Variants in TLL1 observed in about 807,000 individuals in gnomAD.
TLL1 encodes the protein tolloid-like protein 1.
In TLL1, 49 loss-of-function variants were observed where a neutral mutation model predicts 128.2. The ratio of observed to expected loss-of-function variants is 0.38; its 90% CI spans 0.30 to 0.48. TLL1 has a LOEUF of 0.48. Among genes scored for constraint, TLL1 ranks in the 20% least tolerant of loss-of-function variants. TLL1 has a pLI of 0.96. For missense variants in TLL1, 1,123 were observed against 1,242.0 expected, an observed-to-expected ratio of 0.90 and a Z score of 1.44; for synonymous variants, 454 against 418.8, an observed-to-expected ratio of 1.08 and a Z score of -1.03.
intron 1 of TLL1, among the ~76,000 whole-genome samples, chr4:165,919,152 G>A (rs1486004337): frequency 1.3e-5 from 2 of 151,886 alleles, no homozygotes; most frequent in African/African-American, 4.8e-5. Context: ...AAGACCAAGG[G>A]AGGAGGATCA....
At chr4:165,886,498 C>CT (rs1731169197) in intron 1 of TLL1, among the ~76,000 whole-genome samples, 1 of 152,278 alleles carries the variant, frequency 6.6e-6, no homozygotes, top group East Asian at 1.9e-4. Context: ...GTAACAAATA[C>CT]TTTAACTATC....
intron 1 of TLL1, among the ~76,000 whole-genome samples, chr4:165,969,098 A>G (rs1287949233): frequency 1.3e-5 from 2 of 152,034 alleles, no homozygotes; most frequent in Non-Finnish European, 2.9e-5. Context: ...AAGTAATATT[A>G]TTTTTGTTTG....
intron 8 of TLL1, among the ~76,000 whole-genome samples, chr4:166,018,741 A>G (rs1738067843): frequency 1.3e-5 from 2 of 151,580 alleles, no homozygotes. Context: ...ATGCAAATCC[A>G]AACTACAATG....
chr4:166,038,081 G>C (rs1739079217), intron 9 of TLL1, among the ~76,000 whole-genome samples: 1 of 152,110 alleles, frequency 6.6e-6, no homozygotes, highest in Admixed American at 6.6e-5. Context: ...AATAATTAGT[G>C]CTTACCTTGA....
intron 1 of TLL1, among the ~76,000 whole-genome samples, chr4:165,886,794 C>G (rs1010137696): frequency 2.6e-5 from 4 of 152,094 alleles, no homozygotes; most frequent in Admixed American, 2.6e-4. Flanking sequence ...TATTTTCCAT[C>G]TGTAGTTGGT....
intron 12 of TLL1, among the ~76,000 whole-genome samples, chr4:166,051,170 GT>G (rs1488639842): frequency 1.3e-5 from 2 of 152,080 alleles, no homozygotes; most frequent in Non-Finnish European, 2.9e-5. Context: ...AAGACATTGA[GT>G]TCAGCTCCCA....
intron 12 of TLL1, among the ~76,000 whole-genome samples, chr4:166,044,152 G>A (rs1271134884): frequency 6.6e-6 from 1 of 152,156 alleles, no homozygotes; most frequent in Non-Finnish European, 1.5e-5. Flanking sequence ...CTGAAGTGGA[G>A]AAGAACAATG....
In TLL1 at chr4:165,976,034, CAAAAAAAAAAA is replaced by C. The variant is rs1169297533; in HGVS notation, c.170-13333_170-13323del. Among the ~76,000 whole-genome samples, 3 of 72,098 alleles carry C rather than the reference CAAAAAAAAAAA, an allele frequency of 4.2e-5. No homozygotes were observed. The Admixed American group carries it at 6.6e-4, about 16-fold the overall frequency. 47.3% of individuals were successfully genotyped at this position (72,098 alleles called of 152,430 possible). Reference sequence around the variant, plus strand: ...TGGGTAACAGAGTGAGATTCCATCTCAAAAAAAAAAAAAAAAAAAAAAAAGATTATAAGGCG... The same window carrying C: ...TGGGTAACAGAGTGAGATTCCATCTCAAAAAAAAAAAAAGATTATAAGGCG... On this transcript the variant is annotated intron_variant, in intron 1 of 20. Transcript: ENST00000061240.
At chr4:166,057,637 TAGAA>T (rs1740088373) in intron 14 of TLL1, among the ~76,000 whole-genome samples, 2 of 152,086 alleles carry the variant, frequency 1.3e-5, no homozygotes, top group African/African-American at 2.4e-5. Context: ...TAATTTGTAA[TAGAA>T]AGAGATTTAA....
intron 1 of TLL1, among the ~76,000 whole-genome samples, 154 bp downstream of exon 1, chr4:165,874,227 C>T (rs544255741): frequency 1.3e-5 from 2 of 151,982 alleles, no homozygotes; most frequent in Non-Finnish European, 2.9e-5. Context: ...TTCCCTTCCC[C>T]ACCCGCAAGT....
intron 1 of TLL1, among the ~76,000 whole-genome samples, chr4:165,938,281 G>T (rs945719127): frequency 3.3e-5 from 5 of 151,900 alleles, no homozygotes; most frequent in African/African-American, 1.2e-4. Flanking sequence ...TTTATTGTAG[G>T]TTTCTCTTTT....
intron 14 of TLL1, 24 bp downstream of exon 14, chr4:166,057,333 C>T: frequency 1.2e-6 from 2 of 1,610,892 alleles, no homozygotes; most frequent in Admixed American, 1.7e-5. Flanking sequence ...CCTTCCTGGA[C>T]CCCCACCCCC....
In TLL1 at chr4:165,992,829, A is replaced by C; in HGVS notation, c.306A>C (p.Ser102=). 1 of 1,613,344 alleles carries C rather than the reference A, an allele frequency of 6.2e-7. No individual in the cohort carries two copies. The highest frequency in any genetic ancestry group is 8.5e-7 in the Non-Finnish European group (1 of 1,179,438). ...GTGGACTTGGAGACCATGCTATGTC[A>C]AAGAAGCGAGGGGCCCTCTACCAAC... ...TTGGLGDHAM[S]KKRGALYQLI... The change falls in exon 3 of 21, where the codon TCA becomes TCC. Residue 102 remains serine, a synonymous_variant. Coordinates refer to ENST00000061240, the MANE Select transcript of TLL1 (RefSeq NM_012464.5).
chr4:166,077,681 G>A (rs542714971), intron 17 of TLL1, among the ~76,000 whole-genome samples: 9 of 152,190 alleles, frequency 5.9e-5, no homozygotes, highest in African/African-American at 1.9e-4. Context: ...CTGATTTATG[G>A]TAAATACTTA....
chr4:166,083,032 G>C (rs892927356), intron 18 of TLL1, among the ~76,000 whole-genome samples: 2 of 152,120 alleles, frequency 1.3e-5, no homozygotes. Context: ...AATGAAACTT[G>C]AGAAATTATG....
chr4:166,007,878 G>C (rs1737510965), intron 6 of TLL1, 65 bp from the exon 7 acceptor site: 1 of 997,766 alleles, frequency 1.0e-6, no homozygotes. Context: ...GTGTAGGAAA[G>C]GCCTTCTGGT....
At chr4:166,015,057 T>G (rs1384491646) in intron 8 of TLL1, among the ~76,000 whole-genome samples, 1 of 152,028 alleles carries the variant, frequency 6.6e-6, no homozygotes, top group Admixed American at 6.6e-5. Flanking sequence ...GCAAGTGAAC[T>G]ACTCTATGTT....
In TLL1 at chr4:166,074,986, A is replaced by C. The variant is rs1243506524; in HGVS notation, c.2297A>C (p.Lys766Thr). 3.7e-6 allele frequency: 6 copies of C among 1,613,480 alleles called. No homozygotes were observed. The highest frequency in any genetic ancestry group is 5.1e-6 in the Non-Finnish European group (6 of 1,179,582). The change falls in exon 17 of 21, where the codon AAA (lysine) becomes ACA (threonine). Residue 766 changes from lysine (K) to threonine (T), a missense_variant. Physicochemically the swap from Lys to Thr is moderately conservative, Grantham distance 78 (BLOSUM62 -1). This residue lies in a region of TLL1 where 634 missense variants were observed against 672.4 expected (regional missense o/e 0.94). Coordinates refer to ENST00000061240, the MANE Select transcript of TLL1 (RefSeq NM_012464.5). ...CRNGFVLHDN[K>T]HDCKEAECEQ... ...AATGGATTTGTGCTACATGACAATA[A>C]ACATGATTGCAAGGAAGGTATGGAA...
intron 12 of TLL1, among the ~76,000 whole-genome samples, chr4:166,046,563 G>A (rs1463683605): frequency 1.3e-5 from 2 of 152,120 alleles, no homozygotes; most frequent in Non-Finnish European, 2.9e-5. Flanking sequence ...ATTAATATTT[G>A]CAGTGCCTTC....
Sources: gnomAD v4.1 joint callset for allele counts (sites outside exome capture counted in the v4.1 genomes callset) on GRCh38, gnomAD v4.1.1 for gene constraint, gnomAD v4.1.1 regional missense constraint, MANE v1.5 for transcripts, NCBI Gene and HGNC (gene_info 2026-07-23, HGNC 2026-07-21) for gene names.